MARVELD2: variants seen among roughly 807,000 people sequenced by gnomAD.
MARVELD2 encodes the protein MARVEL domain-containing protein 2.
MARVELD2 carries 49 observed loss-of-function variants against 57.6 expected under a neutral mutation model. That is an observed-to-expected ratio of 0.85 (90% CI 0.68 to 1.08). MARVELD2 has a LOEUF of 1.08. Among genes scored for constraint, MARVELD2 ranks in the 50% least tolerant of loss-of-function variants. The pLI, the probability that MARVELD2 is intolerant of heterozygous loss-of-function variation, is 0.00. For synonymous variants in MARVELD2, 238 were observed against 258.8 expected (o/e 0.92, Z 0.77); for missense variants, 606 against 701.1 (o/e 0.86, Z 1.53).
At chr5:69,439,397 G>A (rs1203672242) in intron 5 of MARVELD2, among the ~76,000 whole-genome samples, 2 of 151,722 alleles carry the variant, frequency 1.3e-5, no homozygotes, top group African/African-American at 4.8e-5. Flanking sequence ...CTGATCTCAG[G>A]TGATCCACCC....
intron 3 of MARVELD2, among the ~76,000 whole-genome samples, chr5:69,425,392 A>G (rs1319469765): frequency 6.8e-6 from 1 of 146,836 alleles, no homozygotes; most frequent in African/African-American, 2.5e-5. Flanking sequence ...CTTAAAGTAT[A>G]ATAAAAAAAT....
At chr5:69,433,203 GC>G in intron 5 of MARVELD2, 110 bp downstream of exon 5, 1 of 1,146,356 alleles carries the variant, frequency 8.7e-7, no homozygotes, top group Non-Finnish European at 1.2e-6. Context: ...TTGTTCTGTT[GC>G]CAGGCTGGAG....
At chr5:69,416,658 A>G (rs764265080) in intron 1 of MARVELD2, among the ~76,000 whole-genome samples, 3 of 152,218 alleles carry the variant, frequency 2.0e-5, no homozygotes, top group South Asian at 2.1e-4. Flanking sequence ...CCATAAATCG[A>G]TAAGTGTAGA....
chr5:69,437,632 C>T (rs985067614), intron 5 of MARVELD2, among the ~76,000 whole-genome samples: 4 of 150,730 alleles, frequency 2.7e-5, no homozygotes, highest in South Asian at 4.2e-4. Context: ...TGCAGTGAGA[C>T]GAGATTGTGC....
rs564152610 is a variant in MARVELD2, at chr5:69,434,813, C to T, written c.1503+1720C>T. ...CCGGGTTGAAGCGATTCTCCCACCTCGGCCTCCCAAGTAGCTGGGATTCAG... is the reference window on the plus strand; with the variant it reads ...CCGGGTTGAAGCGATTCTCCCACCTTGGCCTCCCAAGTAGCTGGGATTCAG... On this transcript the variant is annotated intron_variant, in intron 5 of 6. Coordinates refer to ENST00000325631, the MANE Select transcript of MARVELD2 (RefSeq NM_001038603.3). Among the ~76,000 whole-genome samples the T allele has an allele frequency of 3.2e-4, 48 of 151,332 alleles. 1 individual carries two copies. The highest frequency in any genetic ancestry group is 6.2e-4 in the Non-Finnish European group (42 of 67,908).
intron 5 of MARVELD2, among the ~76,000 whole-genome samples, chr5:69,439,860 A>G (rs1767276146): frequency 6.6e-6 from 1 of 152,112 alleles, no homozygotes; most frequent in Non-Finnish European, 1.5e-5. Context: ...GGGCATTGCT[A>G]TAGTAATGTG....
At chr5:69,419,088 G>T (rs1766515278) in intron 1 of MARVELD2, 5 of 473,828 alleles carry the variant, frequency 1.1e-5, no homozygotes, top group Non-Finnish European at 1.9e-5. Flanking sequence ...ACAACGCCTG[G>T]CTAGTTTTTG....
At chr5:69,432,888 AC>A (rs775191996) in intron 4 of MARVELD2, 33 bp from the exon 5 acceptor site, 35 of 1,613,598 alleles carry the variant, frequency 2.2e-5, no homozygotes, top group Non-Finnish European at 2.8e-5. Context: ...TTTTAGTGAA[AC>A]AATTATATCT....
At chr5:69,430,373 A>C (rs1439494009) in intron 3 of MARVELD2, among the ~76,000 whole-genome samples, 2 of 152,014 alleles carry the variant, frequency 1.3e-5, no homozygotes, top group East Asian at 3.9e-4. Context: ...TCTCAAGAAA[A>C]AATATATTTT....
At chr5:69,418,651 T>C (rs1036282611) in intron 1 of MARVELD2, among the ~76,000 whole-genome samples, 3 of 152,192 alleles carry the variant, frequency 2.0e-5, no homozygotes, top group African/African-American at 7.2e-5. Context: ...AAAATGACTT[T>C]GTTGATTTAG....
intron 6 of MARVELD2, 117 bp from the exon 7 acceptor site, chr5:69,441,415 A>C (rs1767321683): frequency 8.3e-7 from 1 of 1,202,358 alleles, no homozygotes; most frequent in Admixed American, 2.5e-5. Flanking sequence ...CCCTGAGTTC[A>C]GAATCTGCTG....
chr5:69,439,364 T>G (rs918934708), intron 5 of MARVELD2, among the ~76,000 whole-genome samples: 2 of 151,608 alleles, frequency 1.3e-5, no homozygotes, highest in Non-Finnish European at 2.9e-5. Flanking sequence ...TTTCGCCATG[T>G]TGGCCAGGCT....
intron 5 of MARVELD2, among the ~76,000 whole-genome samples, chr5:69,434,024 G>A (rs767686225): frequency 6.6e-5 from 10 of 151,794 alleles, no homozygotes; most frequent in Non-Finnish European, 1.2e-4. Context: ...GAGACAGATA[G>A]CACATTCAAA....
intron 3 of MARVELD2, among the ~76,000 whole-genome samples, chr5:69,432,317 T>A (rs1204615603): frequency 6.6e-6 from 1 of 152,122 alleles, no homozygotes; most frequent in African/African-American, 2.4e-5. Context: ...GGCCTTAAAC[T>A]TTTTATAGAG....
At position 69,419,932 on chromosome 5, in the gene MARVELD2, T is replaced by C; in HGVS notation, c.547T>C (p.Tyr183His). The change falls in exon 2 of 7, where the codon TAC (tyrosine) becomes CAC (histidine). Residue 183 changes from tyrosine to histidine, a missense_variant. Physicochemically the swap from Tyr to His is moderately conservative, Grantham distance 83 (BLOSUM62 2). Transcript: ENST00000325631. ...GAAGGTGGAGGAGTATAACCTGAGATACTCCTACATGAAGTCGTGGGCAGG... is the reference window on the plus strand; with the variant it reads ...GAAGGTGGAGGAGTATAACCTGAGACACTCCTACATGAAGTCGTGGGCAGG... ...SEKVEEYNLR[Y>H]SYMKSWAGLL... is the part of the protein sequence containing the mutation. The C allele has an allele frequency of 6.2e-7, 1 of 1,614,172 alleles. No individual in the cohort carries two copies. Among genetic ancestry groups the C allele is most frequent in the Non-Finnish European group, 8.5e-7 (1 of 1,180,036 alleles).
intron 1 of MARVELD2, among the ~76,000 whole-genome samples, chr5:69,416,669 A>G (rs930322521): frequency 1.3e-5 from 2 of 152,222 alleles, no homozygotes; most frequent in African/African-American, 4.8e-5. Flanking sequence ...TAAGTGTAGA[A>G]GCTGGATGTG....
chr5:69,415,687 C>CTTTGGT (rs1766384606), intron 1 of MARVELD2: 1 of 152,258 alleles, frequency 6.6e-6, no homozygotes, highest in Non-Finnish European at 1.5e-5. Context: ...TATCCGAAAT[C>CTTTGGT]TACCCGTTTC....
chr5:69,425,204 T>G (rs1433161347), intron 3 of MARVELD2, among the ~76,000 whole-genome samples: 2 of 133,754 alleles, frequency 1.5e-5, no homozygotes, highest in Non-Finnish European at 3.1e-5. Context: ...TGAGATCACA[T>G]GGACACAGGA....
rs1272868864 is a variant in MARVELD2, at chr5:69,419,353, C to T, written c.-15-18C>T. The T allele has an allele frequency of 1.2e-6, 2 of 1,613,366 alleles. No homozygotes were observed. Among genetic ancestry groups the T allele is most frequent in the Non-Finnish European group, 1.7e-6 (2 of 1,179,446 alleles). ...ATAAGTAACTAATCATAAGTGATAA[C>T]TTTAAATTTGGCCACAGGTGTGAAA... On this transcript the variant is annotated intron_variant, in intron 1 of 6. Coordinates refer to ENST00000325631, the MANE Select transcript of MARVELD2 (RefSeq NM_001038603.3).
Sources: allele counts gnomAD v4.1 joint callset (sites outside exome capture counted in the v4.1 genomes callset), GRCh38; gene constraint gnomAD v4.1.1; transcripts MANE v1.5; gene names NCBI Gene and HGNC (gene_info 2026-07-23, HGNC 2026-07-21).